The following IGF1R variants were observed in gnomAD, a reference collection of about 807,000 sequenced individuals.
The protein encoded by IGF1R is insulin like growth factor 1 receptor.
A neutral mutation model predicts 144.6 loss-of-function variants in IGF1R; 44 were observed. The observed-to-expected ratio is 0.30, with a 90% CI of 0.24 to 0.39. IGF1R has a LOEUF of 0.39. Ranked by LOEUF, IGF1R falls within the 10% of genes least tolerant of loss-of-function variation. The probability of loss-of-function intolerance (pLI) is 1.00; values close to 1 mark genes in which losing one functional copy is unlikely to be tolerated. For synonymous variants in IGF1R, 795 were observed against 722.8 expected, an observed-to-expected ratio of 1.10 and a Z score of -1.60; for missense variants, 1,355 against 1,833.7, an observed-to-expected ratio of 0.74 and a Z score of 4.77.
intron 2 of IGF1R, among the ~76,000 whole-genome samples, chr15:98,854,624 C>A (rs2011692615): frequency 6.6e-6 from 1 of 152,192 alleles, no homozygotes; most frequent in South Asian, 2.1e-4. Context: ...TGCCAACAGC[C>A]TCTAAGTGCC....
At chr15:98,797,729 G>A (rs1812995637) in intron 2 of IGF1R, among the ~76,000 whole-genome samples, 1 of 152,192 alleles carries the variant, frequency 6.6e-6, no homozygotes, top group Non-Finnish European at 1.5e-5. Flanking sequence ...GCATTCTGTT[G>A]TGCTGACGTA....
intron 2 of IGF1R, among the ~76,000 whole-genome samples, chr15:98,795,697 T>C (rs1031323885): frequency 1.3e-5 from 2 of 152,254 alleles, no homozygotes; most frequent in Admixed American, 6.5e-5. Flanking sequence ...ATTACAGTCA[T>C]GAGCCACTGC....
At chr15:98,697,555 TG>T (rs2141242807) in intron 1 of IGF1R, among the ~76,000 whole-genome samples, 1 of 151,978 alleles carries the variant, frequency 6.6e-6, no homozygotes, top group South Asian at 2.1e-4. Flanking sequence ...CTGTGTGTGC[TG>T]TATCTGCAGC....
At chr15:98,657,566 C>T in intron 1 of IGF1R, among the ~76,000 whole-genome samples, 1 of 152,162 alleles carries the variant, frequency 6.6e-6, no homozygotes, top group East Asian at 1.9e-4. Context: ...AACACAGAGA[C>T]CAGTAGCAGC....
intron 1 of IGF1R, among the ~76,000 whole-genome samples, chr15:98,677,292 T>C (rs2053072477): frequency 6.6e-6 from 1 of 152,238 alleles, no homozygotes; most frequent in Non-Finnish European, 1.5e-5. Flanking sequence ...TCTGGTATTT[T>C]CTGTACTTAT....
At chr15:98,730,366 A>G (rs1335235614) in intron 2 of IGF1R, among the ~76,000 whole-genome samples, 1 of 152,184 alleles carries the variant, frequency 6.6e-6, no homozygotes, top group Non-Finnish European at 1.5e-5. Flanking sequence ...CTTTCTATTC[A>G]TGTAGTACCA....
At position 98,959,342 on chromosome 15, in the gene IGF1R, G is replaced by A. The variant is rs1407905686; in HGVS notation, c.*1900G>A. The A allele has an allele frequency of 8.6e-6, 2 of 233,612 alleles. No individual in the cohort carries two copies. 14.5% of individuals were successfully genotyped at this position (233,612 alleles called of 1,614,324 possible). A position where few individuals can be genotyped will look rare whatever the true frequency, so the allele number is the denominator to read the frequency against. On this transcript the variant is annotated 3_prime_UTR_variant, in exon 21 of 21. Coordinates refer to ENST00000650285, the MANE Select transcript of IGF1R (RefSeq NM_000875.5). ...GAGTCCAAGGGAGCAGCAGAGCGTG[G>A]TCCGGCAGGGCCTGTTGTGGCCCTC...
At chr15:98,877,163 G>A (rs2013100183) in intron 2 of IGF1R, among the ~76,000 whole-genome samples, 1 of 152,028 alleles carries the variant, frequency 6.6e-6, no homozygotes, top group Admixed American at 6.6e-5. Context: ...ACAGGGAGAG[G>A]GACCCAGAGG....
In IGF1R at chr15:98,959,329, G is replaced by A. The variant is rs2017133913; in HGVS notation, c.*1887G>A. 8.6e-6 allele frequency: 2 copies of A among 233,716 alleles called. No individual in the cohort carries two copies. The highest frequency in any genetic ancestry group is 1.2e-4 in the East Asian group (2 of 16,588). 14.5% of individuals were successfully genotyped at this position (233,716 alleles called of 1,614,324 possible). A position where few individuals can be genotyped will look rare whatever the true frequency, so the allele number is the denominator to read the frequency against. On this transcript the variant is annotated 3_prime_UTR_variant, in exon 21 of 21. Transcript: ENST00000650285. ...AAAAACAGCTGCTGAGTCCAAGGGA[G>A]CAGCAGAGCGTGGTCCGGCAGGGCC...
chr15:98,730,223 G>GT (rs2054466421), intron 2 of IGF1R, among the ~76,000 whole-genome samples: 1 of 151,542 alleles, frequency 6.6e-6, no homozygotes, highest in African/African-American at 2.4e-5. Context: ...TACTACATCT[G>GT]TGATTTTCAA....
intron 1 of IGF1R, among the ~76,000 whole-genome samples, chr15:98,679,608 A>G (rs530516732): frequency 6.6e-6 from 1 of 152,370 alleles, no homozygotes; most frequent in South Asian, 2.1e-4. Context: ...AGTGCAGCGC[A>G]TACAATTGTG....
intron 2 of IGF1R, among the ~76,000 whole-genome samples, chr15:98,709,279 C>T (rs1232890463): frequency 1.3e-5 from 2 of 152,214 alleles, no homozygotes; most frequent in Non-Finnish European, 1.5e-5. Context: ...CCCAGGTAGC[C>T]CTTCAGTTCC....
rs529106082 is a variant in IGF1R, at chr15:98,941,929, C to A, written c.3458-994C>A. Among the ~76,000 whole-genome samples, 15 of 152,246 alleles carry A rather than the reference C, an allele frequency of 9.9e-5. No individual in the cohort carries two copies. The East Asian group carries it at 2.9e-3, about 29-fold the overall frequency. ...AGTGCAAAATCAAAATCTGACAAAG[C>A]AGCAATAATTTAGGATTATAAAGCG... On this transcript the variant is annotated intron_variant, in intron 18 of 20. Transcript: ENST00000650285.
intron 1 of IGF1R, among the ~76,000 whole-genome samples, chr15:98,682,822 A>G (rs2053226317): frequency 6.6e-6 from 1 of 152,258 alleles, no homozygotes; most frequent in Non-Finnish European, 1.5e-5. Context: ...CTAGGATTAC[A>G]GGCATGAGCC....
intron 1 of IGF1R, among the ~76,000 whole-genome samples, chr15:98,664,816 G>A (rs1263458071): frequency 6.6e-6 from 1 of 151,162 alleles, no homozygotes; most frequent in Non-Finnish European, 1.5e-5. Flanking sequence ...TACTATTGTT[G>A]CTAAGGATAG....
At position 98,957,752 on chromosome 15, in the gene IGF1R, C is replaced by G. The variant is rs2017065207; in HGVS notation, c.*310C>G. 2.2e-6 allele frequency: 1 copy of G among 460,316 alleles called. No individual in the cohort carries two copies. Among genetic ancestry groups the G allele is most frequent in the Non-Finnish European group, 3.9e-6 (1 of 255,484 alleles). The allele number at this position is 460,316 out of a possible 1,614,324, so 28.5% of individuals were successfully genotyped here. A position where few individuals can be genotyped will look rare whatever the true frequency, so the allele number is the denominator to read the frequency against. ...ACCAGTCTCCTCACTCTGTCCCTGT[C>G]CTTCCCTGTTCTCCCTTTCTCTCTC... is the stretch of plus-strand genomic sequence containing the variant. On this transcript the variant is annotated 3_prime_UTR_variant, in exon 21 of 21. Transcript: ENST00000650285.
chr15:98,928,880 G>A (rs769909338), intron 13 of IGF1R, among the ~76,000 whole-genome samples: 2 of 152,098 alleles, frequency 1.3e-5, no homozygotes, highest in Non-Finnish European at 2.9e-5. Flanking sequence ...GTCTGCAGCG[G>A]CATTGGAAAG....
chr15:98,922,391 C>T lies in IGF1R; in HGVS notation c.2445C>T (p.Cys815=). 13 of 1,613,792 alleles carry T rather than the reference C, an allele frequency of 8.1e-6. No homozygotes were observed. Among genetic ancestry groups the T allele is most frequent in the Non-Finnish European group, 1.1e-5 (13 of 1,180,036 alleles). Residue 815 remains cysteine, a synonymous_variant, in exon 11 of 21, where the codon TGC becomes TGT. Coordinates refer to ENST00000650285, the MANE Select transcript of IGF1R (RefSeq NM_000875.5). ...SCNHEAEKLG[C]SASNFVFART... is the part of the protein sequence containing the mutation. Reference sequence around the variant, plus strand: ...ACCACGAGGCTGAGAAGCTGGGCTGCAGCGCCTCCAACTTCGTCTTTGCAA... The same window carrying T: ...ACCACGAGGCTGAGAAGCTGGGCTGTAGCGCCTCCAACTTCGTCTTTGCAA...
chr15:98,961,562 T>G lies in IGF1R; in HGVS notation c.*4120T>G, dbSNP rs1168481509. 4.3e-6 allele frequency: 1 copy of G among 233,664 alleles called. No homozygotes were observed. Among genetic ancestry groups the G allele is most frequent in the Non-Finnish European group, 8.5e-6 (1 of 118,084 alleles). The allele number at this position is 233,664 out of a possible 1,614,324, so 14.5% of individuals were successfully genotyped here. Reference sequence around the variant, plus strand: ...TTTCTCTGTGTGTTCCAAATAATCTTAAGCTGAGTTGTGGCATTTTCCATG... The same window carrying G: ...TTTCTCTGTGTGTTCCAAATAATCTGAAGCTGAGTTGTGGCATTTTCCATG... On this transcript the variant is annotated 3_prime_UTR_variant, in exon 21 of 21. Coordinates refer to ENST00000650285, the MANE Select transcript of IGF1R (RefSeq NM_000875.5).
Sources: allele counts gnomAD v4.1 joint callset (sites outside exome capture counted in the v4.1 genomes callset), GRCh38; gene constraint gnomAD v4.1.1; transcripts MANE v1.5; gene names NCBI Gene and HGNC (gene_info 2026-07-23, HGNC 2026-07-21).